Variants in SH3PXD2A observed in about 807,000 individuals in gnomAD.
The protein encoded by SH3PXD2A is SH3 and PX domain-containing protein 2A.
In SH3PXD2A, 32 loss-of-function variants were observed where a neutral mutation model predicts 115.2. The observed-to-expected ratio is 0.28, with a 90% CI of 0.21 to 0.37. The LOEUF is 0.37. Ranked by LOEUF, SH3PXD2A falls within the 10% of genes least tolerant of loss-of-function variation. SH3PXD2A has a pLI of 1.00. For synonymous variants in SH3PXD2A, 610 were observed against 629.1 expected (o/e 0.97, Z 0.45); for missense variants, 1,328 against 1,498.7 (o/e 0.89, Z 1.88).
At position 103,728,888 on chromosome 10, in the gene SH3PXD2A, TG is replaced by T. The variant is rs201388813; in HGVS notation, c.307-4528del. ...GTAGCAAAGAGTTGTTTTTTTTGTT[TG>T]TTTGTTTGTTTTTTTTTTTTTGAGA... is the stretch of plus-strand genomic sequence containing the variant. On this transcript the variant is annotated intron_variant, in intron 4 of 14. Transcript: ENST00000369774. 2.4e-3 allele frequency among the ~76,000 whole-genome samples: 314 copies of T among 133,154 alleles called. 3 individuals are homozygous for T. The highest frequency in any genetic ancestry group is 8.9e-3 in the African/African-American group (280 of 31,510). 87.4% of individuals were successfully genotyped at this position (133,154 alleles called of 152,430 possible).
At chr10:103,693,188 C>G (rs2037780656) in intron 5 of SH3PXD2A, 132 bp from the exon 6 acceptor site, 2 of 426,262 alleles carry the variant, frequency 4.7e-6, no homozygotes, top group Admixed American at 9.7e-5. Context: ...CCACGGCCGG[C>G]TAGCCGCGCG....
At chr10:103,786,768 C>T (rs137980869) in intron 2 of SH3PXD2A, among the ~76,000 whole-genome samples, 115 of 152,282 alleles carry the variant, frequency 7.6e-4, no homozygotes, top group African/African-American at 2.6e-3. Context: ...ATGGAAAGGA[C>T]ATGGGGCAGG....
chr10:103,754,640 G>C (rs1289818971), intron 3 of SH3PXD2A: 2 of 152,176 alleles, frequency 1.3e-5, no homozygotes, highest in Non-Finnish European at 2.9e-5. Context: ...TGATGAGGGC[G>C]TGTGGTTGGG....
At chr10:103,742,954 C>T (rs567888205) in intron 3 of SH3PXD2A, among the ~76,000 whole-genome samples, 10 of 151,590 alleles carry the variant, frequency 6.6e-5, no homozygotes, top group Non-Finnish European at 1.2e-4. Flanking sequence ...TCCCTCCCCC[C>T]CTCAAGGGTG....
intron 1 of SH3PXD2A, among the ~76,000 whole-genome samples, chr10:103,824,347 G>T (rs990742595): frequency 1.3e-5 from 2 of 152,184 alleles, no homozygotes; most frequent in African/African-American, 4.8e-5. Context: ...TCTGTGGCCA[G>T]GGGAGGTTTA....
rs1466957883 is a variant in SH3PXD2A, at chr10:103,666,897, G to A, written c.472+1711C>T. 1.3e-5 allele frequency among the ~76,000 whole-genome samples: 2 copies of A among 152,190 alleles called. No individual in the cohort carries two copies. The highest frequency in any genetic ancestry group is 3.9e-4 in the East Asian group (2 of 5,188). ...GGTGCCAGGAGAAGGGTGGGGAAGG[G>A]AGGCCGGGGGCTGTGTCCCTGCAAC... On this transcript the variant is annotated intron_variant, in intron 7 of 14. Coordinates refer to ENST00000369774, the MANE Select transcript of SH3PXD2A (RefSeq NM_001394015.1). This position sits in a 1 kb window ranked among gnomAD's most constrained non-coding sequence, Gnocchi z 4.5.
At chr10:103,641,057 T>C (rs1464176910) in intron 8 of SH3PXD2A, among the ~76,000 whole-genome samples, 5 of 152,090 alleles carry the variant, frequency 3.3e-5, no homozygotes, top group Non-Finnish European at 7.4e-5. Flanking sequence ...GGCAGCACGA[T>C]CTCATTTAGC....
chr10:103,687,269 A>G (rs533233887), intron 6 of SH3PXD2A, among the ~76,000 whole-genome samples: 1 of 152,236 alleles, frequency 6.6e-6, no homozygotes, highest in Admixed American at 6.5e-5. Flanking sequence ...AGACTTACCT[A>G]GCCAGCCCCC....
At chr10:103,715,095 C>G (rs2038090389) in intron 5 of SH3PXD2A, among the ~76,000 whole-genome samples, 1 of 152,204 alleles carries the variant, frequency 6.6e-6, no homozygotes, top group African/African-American at 2.4e-5. Flanking sequence ...ATTCCCCCAG[C>G]CTTTTTGGGG....
At chr10:103,832,695 T>C (rs1034840956) in intron 1 of SH3PXD2A, among the ~76,000 whole-genome samples, 3 of 152,084 alleles carry the variant, frequency 2.0e-5, no homozygotes, top group Non-Finnish European at 2.9e-5. Context: ...TAGGTGGGAA[T>C]TGAACAATGA....
chr10:103,836,203 C>A (rs967645155), intron 1 of SH3PXD2A, among the ~76,000 whole-genome samples: 4 of 152,142 alleles, frequency 2.6e-5, no homozygotes, highest in African/African-American at 9.7e-5. Flanking sequence ...CTATGAGACC[C>A]TTTTATACTA....
At chr10:103,619,330 C>T (rs1287499497) in intron 10 of SH3PXD2A, among the ~76,000 whole-genome samples, 1 of 152,160 alleles carries the variant, frequency 6.6e-6, no homozygotes, top group Non-Finnish European at 1.5e-5. Flanking sequence ...CCCAGCTCAG[C>T]GGCGGCCAGA....
intron 2 of SH3PXD2A, among the ~76,000 whole-genome samples, chr10:103,791,949 C>T (rs954530022): frequency 2.6e-5 from 4 of 152,134 alleles, no homozygotes; most frequent in African/African-American, 9.7e-5. Flanking sequence ...CCCAATATTC[C>T]ACAACTCCCT....
At position 103,855,068 on chromosome 10, in the gene SH3PXD2A, C is replaced by T. The variant is rs945496391; in HGVS notation, c.72+127G>A. ...AGATCACAGCCCTGCGAAGAAACTC[C>T]ACGGCTGCTGGCTGCCCAGTGGGCG... On this transcript the variant is annotated intron_variant, in intron 1 of 14. Transcript: ENST00000369774. 4 of 538,468 alleles carry T rather than the reference C, an allele frequency of 7.4e-6. No homozygotes were observed. The African/African-American group carries it at 7.9e-5, about 11-fold the overall frequency. 33.4% of individuals were successfully genotyped at this position (538,468 alleles called of 1,614,324 possible). A position where few individuals can be genotyped will look rare whatever the true frequency, so the allele number is the denominator to read the frequency against.
chr10:103,716,669 G>C (rs1001719490), intron 5 of SH3PXD2A, among the ~76,000 whole-genome samples: 2 of 152,138 alleles, frequency 1.3e-5, no homozygotes, highest in Non-Finnish European at 2.9e-5. Context: ...CAGTGGGCTG[G>C]TAAGAGGCCC....
intron 14 of SH3PXD2A, among the ~76,000 whole-genome samples, chr10:103,604,409 G>A (rs1395870987): frequency 6.6e-6 from 1 of 152,222 alleles, no homozygotes; most frequent in Admixed American, 6.5e-5. Flanking sequence ...AGGAAGGGCA[G>A]GGGGCTTTCA....
intron 11 of SH3PXD2A, among the ~76,000 whole-genome samples, chr10:103,615,537 T>TG (rs1554903781): frequency 8.9e-6 from 1 of 112,662 alleles, no homozygotes; most frequent in East Asian, 2.3e-4. Context: ...TGTGTAGGGG[T>TG]TGGGGGAGGA....
intron 6 of SH3PXD2A, among the ~76,000 whole-genome samples, chr10:103,691,338 T>C (rs913115164): frequency 6.6e-6 from 1 of 152,082 alleles, no homozygotes; most frequent in Non-Finnish European, 1.5e-5. Context: ...GCATTTTTGT[T>C]TTAAAGAAAA....
chr10:103,788,633 G>A (rs1268502212), intron 2 of SH3PXD2A, among the ~76,000 whole-genome samples: 1 of 152,114 alleles, frequency 6.6e-6, no homozygotes, highest in African/African-American at 2.4e-5. Flanking sequence ...TTGGGAGGCC[G>A]AGACGGGCGG....
Sources: gnomAD v4.1 joint callset for allele counts (sites outside exome capture counted in the v4.1 genomes callset) on GRCh38, gnomAD v4.1.1 for gene constraint, Gnocchi (gnomAD v3.1) non-coding constraint, MANE v1.5 for transcripts, NCBI Gene and HGNC (gene_info 2026-07-23, HGNC 2026-07-21) for gene names.